The following RERE variants were observed in gnomAD, a reference collection of about 807,000 sequenced individuals.
The protein encoded by RERE is arginine-glutamic acid dipeptide repeats, also known as arginine-glutamic acid dipeptide repeats protein.
Under a neutral mutation model 146.1 loss-of-function variants are expected in RERE, and 40 were observed. That is an observed-to-expected ratio of 0.27 (90% confidence interval 0.21 to 0.36). The LOEUF (loss-of-function observed/expected upper bound fraction) is 0.36. Ranked by LOEUF, RERE falls within the 10% of genes least tolerant of loss-of-function variation. RERE has a pLI of 1.00. For missense variants in RERE, 1,933 were observed against 2,138.7 expected, an observed-to-expected ratio of 0.90 and a Z score of 1.90; for synonymous variants, 1,003 against 866.0, an observed-to-expected ratio of 1.16 and a Z score of -2.78.
chr1:8,385,968 TAAAA>T (rs34493389), intron 12 of RERE, among the ~76,000 whole-genome samples: 52 of 9,464 alleles, frequency 5.5e-3, no homozygotes, highest in South Asian at 0.026. Context: ...GACTCCGTCT[TAAAA>T]AAAAAAAAAA....
At chr1:8,371,120 G>A (rs747385028) in intron 12 of RERE, among the ~76,000 whole-genome samples, 3 of 152,210 alleles carry the variant, frequency 2.0e-5, no homozygotes, top group African/African-American at 7.2e-5. Flanking sequence ...GGAAGAGGGC[G>A]AAGTCATCTC....
chr1:8,406,400 T>A (rs1332055369), intron 12 of RERE, among the ~76,000 whole-genome samples: 2 of 152,160 alleles, frequency 1.3e-5, no homozygotes, highest in Non-Finnish European at 2.9e-5. Flanking sequence ...AAGAAAGCAG[T>A]AATGCAACTT....
At chr1:8,678,425 C>A (rs1311361607) in intron 1 of RERE, among the ~76,000 whole-genome samples, 3 of 151,766 alleles carry the variant, frequency 2.0e-5, no homozygotes, top group African/African-American at 7.3e-5. Flanking sequence ...GCGGGCAATC[C>A]CGAGGTCAGG....
At chr1:8,578,501 C>G (rs905645590) in intron 4 of RERE, among the ~76,000 whole-genome samples, 8 of 152,110 alleles carry the variant, frequency 5.3e-5, no homozygotes, top group African/African-American at 1.4e-4. Context: ...TAAAGGCAGG[C>G]AACACTGAAA....
intron 15 of RERE, 187 bp downstream of exon 15, chr1:8,363,868 CT>C (rs1389966264): frequency 6.5e-6 from 4 of 615,528 alleles, no homozygotes; most frequent in Non-Finnish European, 1.1e-5. Flanking sequence ...CCTGGGGCCC[CT>C]CGAAGGAGAG....
intron 7 of RERE, among the ~76,000 whole-genome samples, chr1:8,538,456 C>T (rs1645755084): frequency 6.6e-6 from 1 of 152,162 alleles, no homozygotes; most frequent in Admixed American, 6.5e-5. Context: ...AGTTTTTCTA[C>T]ACTCTGTTAA....
chr1:8,536,747 G>A (rs949236314), intron 7 of RERE, among the ~76,000 whole-genome samples: 6 of 152,174 alleles, frequency 3.9e-5, no homozygotes, highest in Non-Finnish European at 7.3e-5. Context: ...CACTCCCTGA[G>A]TGCAGAAATG....
At chr1:8,563,425 A>G (rs556928974) in intron 4 of RERE, among the ~76,000 whole-genome samples, 19 of 152,306 alleles carry the variant, frequency 1.2e-4, no homozygotes, top group Admixed American at 7.2e-4. Flanking sequence ...GATACAGAGG[A>G]AAGAGCTTCT....
chr1:8,501,724 C>T (rs1305467171), intron 8 of RERE, among the ~76,000 whole-genome samples: 690 of 110,962 alleles, frequency 6.2e-3, no homozygotes, highest in Non-Finnish European at 8.4e-3. Flanking sequence ...GGGGTCAGCC[C>T]CCCGCCCGGC....
intron 12 of RERE, among the ~76,000 whole-genome samples, chr1:8,410,358 T>C (rs921534089): frequency 3.3e-5 from 5 of 152,190 alleles, no homozygotes; most frequent in East Asian, 1.9e-4. Flanking sequence ...GAGCAGCCTA[T>C]AGCCAGAAGC....
At chr1:8,377,316 CT>C (rs35941205) in intron 12 of RERE, among the ~76,000 whole-genome samples, 33,588 of 152,038 alleles carry the variant, frequency 0.22, 4,232 homozygotes, top group African/African-American at 0.33. Flanking sequence ...AGGTTTATTT[CT>C]TGTTTTACTG....
intron 7 of RERE, among the ~76,000 whole-genome samples, chr1:8,534,583 T>G (rs1645700010): frequency 6.6e-6 from 1 of 152,004 alleles, no homozygotes; most frequent in Non-Finnish European, 1.5e-5. Flanking sequence ...AAAATATCAT[T>G]CTCCAAACAC....
At chr1:8,735,079 ACTAT>A (rs577611539) in intron 1 of RERE, among the ~76,000 whole-genome samples, 5 of 152,226 alleles carry the variant, frequency 3.3e-5, no homozygotes, top group South Asian at 2.1e-4. Context: ...CTTTACTTAG[ACTAT>A]CTAACTTAAA....
In RERE at chr1:8,791,153, A is replaced by G. The variant is rs560042524; in HGVS notation, c.-145+26007T>C. Among the ~76,000 whole-genome samples, 38 of 152,316 alleles carry G rather than the reference A, an allele frequency of 2.5e-4. No homozygotes were observed. The South Asian group carries it at 7.7e-3, about 31-fold the overall frequency. ...AACTACTAATGACATGGAAAATCCC[A>G]CTCAAGTTACATGAGGTCACACACC... On this transcript the variant is annotated intron_variant, in intron 1 of 22. Transcript: ENST00000400908.
intron 1 of RERE, among the ~76,000 whole-genome samples, chr1:8,732,704 C>T (rs984118484): frequency 6.6e-6 from 1 of 151,794 alleles, no homozygotes; most frequent in Admixed American, 6.6e-5. Flanking sequence ...AACAGATAAG[C>T]CACACTCATG....
intron 12 of RERE, among the ~76,000 whole-genome samples, chr1:8,374,952 T>C (rs1033622758): frequency 6.6e-6 from 1 of 152,168 alleles, no homozygotes; most frequent in African/African-American, 2.4e-5. Context: ...TGCTGCCTTC[T>C]TCTCCATGAA....
chr1:8,453,064 A>C (rs1435631852), intron 11 of RERE, among the ~76,000 whole-genome samples: 1 of 152,166 alleles, frequency 6.6e-6, no homozygotes, highest in African/African-American at 2.4e-5. Flanking sequence ...TGTTTTACAG[A>C]TATTTAAAAA....
At chr1:8,719,904 A>G (rs889221459) in intron 1 of RERE, among the ~76,000 whole-genome samples, 7 of 152,152 alleles carry the variant, frequency 4.6e-5, no homozygotes, top group Non-Finnish European at 1.0e-4. Flanking sequence ...CTTTGCTGCT[A>G]TATGAAGCAA....
intron 2 of RERE, among the ~76,000 whole-genome samples, chr1:8,648,118 C>T (rs1647415162): frequency 6.6e-6 from 1 of 152,206 alleles, no homozygotes; most frequent in South Asian, 2.1e-4. Flanking sequence ...AGGGCAATCT[C>T]TCTCCTGACT....
Sources: gnomAD v4.1 joint callset for allele counts (sites outside exome capture counted in the v4.1 genomes callset) on GRCh38, gnomAD v4.1.1 for gene constraint, MANE v1.5 for transcripts, NCBI Gene and HGNC (gene_info 2026-07-23, HGNC 2026-07-21) for gene names.